CACNA2D3: variants seen among roughly 807,000 people sequenced by gnomAD.
CACNA2D3 encodes voltage-dependent calcium channel subunit alpha-2/delta-3.
Under a neutral mutation model 160.6 loss-of-function variants are expected in CACNA2D3, and 60 were observed. That is an observed-to-expected ratio of 0.37 (90% CI 0.30 to 0.46). The LOEUF (loss-of-function observed/expected upper bound fraction) is 0.46. CACNA2D3 is among the 20% of genes least tolerant of loss of function. The probability of loss-of-function intolerance (pLI) is 1.00; values close to 1 mark genes in which losing one functional copy is unlikely to be tolerated. For synonymous variants in CACNA2D3, 558 were observed against 492.9 expected (o/e 1.13, Z -1.75); for missense variants, 1,205 against 1,365.0 (o/e 0.88, Z 1.85).
chr3:54,422,804 C>G (rs561137022), intron 4 of CACNA2D3, among the ~76,000 whole-genome samples: 1 of 152,194 alleles, frequency 6.6e-6, no homozygotes, highest in Non-Finnish European at 1.5e-5. Flanking sequence ...ACCAGCAACT[C>G]CACGCCTTGC....
Position 54,862,095 on chromosome 3 carries a change from G to A in CACNA2D3, c.1627-9444G>A, listed in dbSNP as rs546953489. On this transcript the variant is annotated intron_variant, in intron 17 of 37. Coordinates refer to ENST00000474759, the MANE Select transcript of CACNA2D3 (RefSeq NM_018398.3). ...CAAGAACCAGCTCAGTTTGGTAGTC[G>A]GAACATGGCTGGGGCTTAGAGCATA... Among the ~76,000 whole-genome samples the A allele has an allele frequency of 6.6e-5, 10 of 152,210 alleles. No individual in the cohort carries two copies. In the South Asian group the frequency reaches 1.0e-3, roughly 16 times the overall value.
chr3:54,534,747 A>G (rs1223965835), intron 5 of CACNA2D3, among the ~76,000 whole-genome samples: 2 of 144,862 alleles, frequency 1.4e-5, no homozygotes, highest in Non-Finnish European at 3.0e-5. Flanking sequence ...ACATGACAAA[A>G]CGTTGTCTCT....
At chr3:54,955,364 G>T (rs1701861446) in intron 27 of CACNA2D3, among the ~76,000 whole-genome samples, 1 of 152,116 alleles carries the variant, frequency 6.6e-6, no homozygotes, top group African/African-American at 2.4e-5. Flanking sequence ...GGCTGGTGAT[G>T]ACTCCCACTC....
At chr3:54,300,016 G>T (rs1003335751) in intron 2 of CACNA2D3, among the ~76,000 whole-genome samples, 5 of 152,128 alleles carry the variant, frequency 3.3e-5, no homozygotes, top group Non-Finnish European at 5.9e-5. Context: ...GTATTTTTCC[G>T]CTTCTTTAGT....
At chr3:54,590,644 G>A (rs1414502485) in intron 9 of CACNA2D3, among the ~76,000 whole-genome samples, 1 of 151,772 alleles carries the variant, frequency 6.6e-6, no homozygotes, top group Non-Finnish European at 1.5e-5. Flanking sequence ...ACGGGGTCTT[G>A]CTGTGTTGCC....
At chr3:54,193,828 T>C (rs555129098) in intron 2 of CACNA2D3, among the ~76,000 whole-genome samples, 62 of 152,338 alleles carry the variant, frequency 4.1e-4, no homozygotes, top group African/African-American at 1.4e-3. Context: ...CCTTCACTTA[T>C]GGACCATGTG....
chr3:54,453,983 T>C (rs1047627839), intron 4 of CACNA2D3, among the ~76,000 whole-genome samples: 2 of 152,042 alleles, frequency 1.3e-5, no homozygotes, highest in African/African-American at 2.4e-5. Context: ...TAGTGTATAG[T>C]TAGTAAAAGA....
At chr3:55,010,975 T>C (rs1009435377) in intron 34 of CACNA2D3, among the ~76,000 whole-genome samples, 2 of 152,258 alleles carry the variant, frequency 1.3e-5, no homozygotes, top group African/African-American at 4.8e-5. Flanking sequence ...GCTTTATCTT[T>C]GCTGATTCAA....
chr3:54,290,522 C>A (rs1402092986), intron 2 of CACNA2D3, among the ~76,000 whole-genome samples: 1 of 151,586 alleles, frequency 6.6e-6, no homozygotes, highest in East Asian at 1.9e-4. Flanking sequence ...GGATCTAGAA[C>A]TAGAAATACC....
chr3:54,545,234 A>T (rs543301000), intron 5 of CACNA2D3, among the ~76,000 whole-genome samples: 3 of 152,362 alleles, frequency 2.0e-5, no homozygotes, highest in East Asian at 1.9e-4. Flanking sequence ...CAAAATTTTT[A>T]AAAATATTTC....
intron 9 of CACNA2D3, among the ~76,000 whole-genome samples, chr3:54,591,478 G>A (rs991709172): frequency 6.6e-6 from 1 of 151,880 alleles, no homozygotes; most frequent in African/African-American, 2.4e-5. Flanking sequence ...CCATGCCAGT[G>A]CCTATGAGAT....
chr3:54,458,812 T>C (rs1700445850), intron 4 of CACNA2D3, among the ~76,000 whole-genome samples: 1 of 152,046 alleles, frequency 6.6e-6, no homozygotes, highest in Non-Finnish European at 1.5e-5. Flanking sequence ...AGGGTACATG[T>C]GCACAATGTG....
At chr3:54,265,648 ATATATATAGTG>A (rs1349271173) in intron 2 of CACNA2D3, among the ~76,000 whole-genome samples, 1,144 of 71,970 alleles carry the variant, frequency 0.016, 5 homozygotes, top group Non-Finnish European at 0.026. Flanking sequence ...TATAGTGTGT[ATATATATAGTG>A]TATATATATA....
At chr3:54,538,103 C>T (rs1701916975) in intron 5 of CACNA2D3, among the ~76,000 whole-genome samples, 1 of 152,102 alleles carries the variant, frequency 6.6e-6, no homozygotes, top group Non-Finnish European at 1.5e-5. Context: ...ATCAAACCTG[C>T]TGAGAACCAG....
intron 5 of CACNA2D3, among the ~76,000 whole-genome samples, chr3:54,545,995 A>G (rs766036645): frequency 1.1e-4 from 17 of 152,230 alleles, no homozygotes; most frequent in Admixed American, 2.0e-4. Flanking sequence ...GGATGGGCAT[A>G]CAATGGTCAC....
intron 4 of CACNA2D3, among the ~76,000 whole-genome samples, chr3:54,465,167 T>C (rs1420738453): frequency 6.6e-6 from 1 of 152,080 alleles, no homozygotes; most frequent in Non-Finnish European, 1.5e-5. Context: ...TTTTATTTCA[T>C]TCATTGAATT....
At chr3:54,631,238 AGAT>A (rs1699232597) in intron 10 of CACNA2D3, among the ~76,000 whole-genome samples, 3 of 151,870 alleles carry the variant, frequency 2.0e-5, no homozygotes, top group African/African-American at 7.3e-5. Flanking sequence ...ACACACACAA[AGAT>A]AAATGTTACA....
At chr3:54,276,828 A>G (rs1156280173) in intron 2 of CACNA2D3, among the ~76,000 whole-genome samples, 2 of 152,156 alleles carry the variant, frequency 1.3e-5, no homozygotes, top group Non-Finnish European at 1.5e-5. Context: ...GTCTAAACCC[A>G]TCTCTAGGCT....
At chr3:54,509,450 C>G (rs1209239574) in intron 5 of CACNA2D3, among the ~76,000 whole-genome samples, 1 of 152,148 alleles carries the variant, frequency 6.6e-6, no homozygotes, top group Non-Finnish European at 1.5e-5. Context: ...AGGCTCCAAT[C>G]TTGCTTCCTT....
Sources: gnomAD v4.1 joint callset for allele counts (sites outside exome capture counted in the v4.1 genomes callset) on GRCh38, gnomAD v4.1.1 for gene constraint, MANE v1.5 for transcripts, NCBI Gene and HGNC (gene_info 2026-07-23, HGNC 2026-07-21) for gene names.